Variants in CDC23 observed in about 807,000 individuals in gnomAD.
CDC23 encodes cell division cycle 23.
In CDC23, 26 loss-of-function variants were observed where a neutral mutation model predicts 81.7. That is an observed-to-expected ratio of 0.32 (90% CI 0.23 to 0.44). CDC23 has a LOEUF of 0.44. Ranked by LOEUF, CDC23 falls within the 20% of genes least tolerant of loss-of-function variation. The pLI, the probability that CDC23 is intolerant of heterozygous loss-of-function variation, is 1.00. For synonymous variants in CDC23, 267 were observed against 270.8 expected, an observed-to-expected ratio of 0.99 and a Z score of 0.14; for missense variants, 519 against 728.0, an observed-to-expected ratio of 0.71 and a Z score of 3.30.
At chr5:138,195,834 T>TAC (rs1754898872) in intron 9 of CDC23, among the ~76,000 whole-genome samples, 1 of 132,378 alleles carries the variant, frequency 7.6e-6, no homozygotes, top group Non-Finnish European at 1.5e-5. Flanking sequence ...ATATATTATA[T>TAC]ACATATATAT....
chr5:138,198,459 A>G lies in CDC23; in HGVS notation c.897T>C (p.Asn299=). Reference sequence around the variant, plus strand: ...AAAGAAGGTTGGAGAATGTGTCCATATTTTCAATCCTGTAAGGGTCTTGTT... The same window carrying G: ...AAAGAAGGTTGGAGAATGTGTCCATGTTTTCAATCCTGTAAGGGTCTTGTT... ...LRKQDPYRIE[N]MDTFSNLLYV... Residue 299 remains asparagine, a synonymous_variant, in exon 8 of 16, where the codon AAT becomes AAC. Transcript: ENST00000394886. 2 of 1,614,128 alleles carry G rather than the reference A, an allele frequency of 1.2e-6. No individual in the cohort carries two copies. The highest frequency in any genetic ancestry group is 1.7e-6 in the Non-Finnish European group (2 of 1,180,012).
chr5:138,192,343 G>C lies in CDC23; in HGVS notation c.1212C>G (p.Gly404=), dbSNP rs568297919. The C allele has an allele frequency of 6.2e-7, 1 of 1,614,138 alleles. No individual in the cohort carries two copies. Among genetic ancestry groups the C allele is most frequent in the East Asian group, 2.2e-5 (1 of 44,890 alleles). ...VNKRDYRAWY[G]LGQTYEILKM... ...TAAGGATTTCATAGGTCTGCCCGAG[G>C]CCATACCAAGCTCTGTAGTCCCGTT... Residue 404 remains glycine, a synonymous_variant, in exon 11 of 16, where the codon GGC becomes GGG. Transcript: ENST00000394886.
At position 138,188,854 on chromosome 5, in the gene CDC23, G is replaced by T; in HGVS notation, c.*124C>A. The T allele has an allele frequency of 1.2e-6, 1 of 843,190 alleles. No homozygotes were observed. The highest frequency in any genetic ancestry group is 1.8e-6 in the Non-Finnish European group (1 of 555,912). 52.2% of individuals were successfully genotyped at this position (843,190 alleles called of 1,614,324 possible). A position where few individuals can be genotyped will look rare whatever the true frequency, so the allele number is the denominator to read the frequency against. On this transcript the variant is annotated 3_prime_UTR_variant, in exon 16 of 16. Transcript: ENST00000394886. ...AGGTAATTATACAAGCTGTCCCTAT[G>T]GAGCTGTTGCCATCTGTAGAAACAA...
intron 9 of CDC23, among the ~76,000 whole-genome samples, chr5:138,192,910 A>G (rs17234912): frequency 0.032 from 4,836 of 152,298 alleles, 183 homozygotes; most frequent in Admixed American, 0.11. Flanking sequence ...ACCTGGATAC[A>G]GCATTTATAT....
intron 13 of CDC23, chr5:138,190,242 G>C (rs1159776545): frequency 4.4e-6 from 1 of 228,306 alleles, no homozygotes; most frequent in Non-Finnish European, 8.7e-6. Flanking sequence ...CAGATCACTT[G>C]AGGTCAGGAG....
intron 9 of CDC23, among the ~76,000 whole-genome samples, chr5:138,193,357 A>G (rs912969598): frequency 6.6e-6 from 1 of 152,170 alleles, no homozygotes; most frequent in African/African-American, 2.4e-5. Context: ...GCACTTTGGG[A>G]GGCCAAGGTG....
chr5:138,212,392 C>T (rs1755123284), intron 2 of CDC23, among the ~76,000 whole-genome samples: 1 of 152,332 alleles, frequency 6.6e-6, no homozygotes, highest in East Asian at 1.9e-4. Flanking sequence ...GATCTCAGCT[C>T]ACTGCAACCT....
chr5:138,189,642 T>C lies in CDC23; in HGVS notation c.1614A>G (p.Ala538=), dbSNP rs750648982. The C allele has an allele frequency of 6.2e-6, 10 of 1,612,952 alleles. No individual in the cohort carries two copies. The Admixed American group carries it at 1.5e-4, about 24-fold the overall frequency. The change falls in exon 15 of 16, where the codon GCA becomes GCG. Residue 538 remains alanine (A), a synonymous_variant. Coordinates refer to ENST00000394886, the MANE Select transcript of CDC23 (RefSeq NM_004661.4). The stretch of plus-strand genomic sequence containing the variant: ...AAGAACTGATACTCACATCATTAAA[T>C]GCACAACACTTTTGTGCACAAGTTG... ...EASTCAQKCC[A]FNDTREEGKA... is the part of the protein sequence containing the mutation.
rs1355012547 is a variant in CDC23 at position 138,198,600 on chromosome 5, C to A, written c.832+5G>T. 6.2e-7 allele frequency: 1 copy of A among 1,613,954 alleles called. No individual in the cohort carries two copies. Among genetic ancestry groups the A allele is most frequent in the Admixed American group, 1.7e-5 (1 of 60,008 alleles). On this transcript the variant is annotated splice_donor_5th_base_variant and intron_variant, in intron 7 of 15. Coordinates refer to ENST00000394886, the MANE Select transcript of CDC23 (RefSeq NM_004661.4). ...GATAGTATTTCATTGTCTTTATTCA[C>A]TCACCTCTGATATTGTGATAGGCAA...
intron 9 of CDC23, among the ~76,000 whole-genome samples, chr5:138,195,082 T>C (rs1754870023): frequency 6.6e-6 from 1 of 151,938 alleles, no homozygotes; most frequent in South Asian, 2.1e-4. Context: ...AATGAAGAGC[T>C]ACACCAAGAC....
At chr5:138,204,629 C>CTTTTTTTTT (rs71585106) in intron 3 of CDC23, among the ~76,000 whole-genome samples, 4 of 148,348 alleles carry the variant, frequency 2.7e-5, no homozygotes, top group African/African-American at 2.5e-5. Context: ...TCTCTTTTTT[C>CTTTTTTTTT]TTTTTTTGGA....
chr5:138,196,207 A>C (rs188937604), intron 9 of CDC23, among the ~76,000 whole-genome samples: 43 of 152,236 alleles, frequency 2.8e-4, no homozygotes, highest in African/African-American at 9.6e-4. Flanking sequence ...AGGAAAAAAA[A>C]CACAATTCAT....
At chr5:138,208,948 C>T (rs1050288998) in intron 2 of CDC23, among the ~76,000 whole-genome samples, 6 of 152,158 alleles carry the variant, frequency 3.9e-5, no homozygotes, top group African/African-American at 1.4e-4. Context: ...CGTGCCACCG[C>T]ACCACCATGT....
In CDC23 at chr5:138,192,618, G is replaced by C. The variant is rs1305782063; in HGVS notation, c.1052C>G (p.Ala351Gly). ...TTTCAGGGCTCTCTGGAAATATAAG[G>C]CTGCTTTCTCATGCTGAGAACGTAA... ...YSLRSQHEKA[A>G]LYFQRALKLN... Residue 351 changes from alanine (A) to glycine (G), a missense_variant, in exon 10 of 16, where the codon GCC becomes GGC. This residue lies in a region of CDC23 where 175 missense variants were observed against 337.8 expected (regional missense o/e 0.52). Transcript: ENST00000394886. 6.2e-7 allele frequency: 1 copy of C among 1,614,046 alleles called. No homozygotes were observed. The highest frequency in any genetic ancestry group is 8.5e-7 in the Non-Finnish European group (1 of 1,179,984).
At chr5:138,209,650 C>T (rs1755091426) in intron 2 of CDC23, among the ~76,000 whole-genome samples, 1 of 151,102 alleles carries the variant, frequency 6.6e-6, no homozygotes, top group Non-Finnish European at 1.5e-5. Flanking sequence ...CATGGTGAAA[C>T]CTCGTCTCTG....
chr5:138,207,706 A>G (rs1026621276), intron 2 of CDC23, among the ~76,000 whole-genome samples: 4 of 152,178 alleles, frequency 2.6e-5, no homozygotes, highest in African/African-American at 7.2e-5. Context: ...CTGTAATCCC[A>G]GCACTGTGGG....
intron 9 of CDC23, 103 bp downstream of exon 9, chr5:138,198,096 A>G: frequency 1.2e-6 from 1 of 860,264 alleles, no homozygotes. Context: ...AGTAGAGGAA[A>G]CTAAAGGCAC....
At chr5:138,211,184 T>TA (rs1346728826) in intron 2 of CDC23, among the ~76,000 whole-genome samples, 1 of 152,096 alleles carries the variant, frequency 6.6e-6, no homozygotes, top group Non-Finnish European at 1.5e-5. Context: ...GACACAGCCA[T>TA]AAAAAAGAAC....
At chr5:138,207,417 C>A (rs1755063736) in intron 2 of CDC23, among the ~76,000 whole-genome samples, 1 of 152,082 alleles carries the variant, frequency 6.6e-6, no homozygotes, top group African/African-American at 2.4e-5. Context: ...TAAAATGAAG[C>A]CAATAATACT....
Sources: gnomAD v4.1 joint callset for allele counts (sites outside exome capture counted in the v4.1 genomes callset) on GRCh38, gnomAD v4.1.1 for gene constraint, gnomAD v4.1.1 regional missense constraint, MANE v1.5 for transcripts, NCBI Gene and HGNC (gene_info 2026-07-23, HGNC 2026-07-21) for gene names.